Variants in UTP11 observed in about 807,000 individuals in gnomAD.
UTP11 encodes UTP11 small subunit processome component, also known as probable U3 small nucleolar RNA-associated protein 11.
In UTP11, 29 loss-of-function variants were observed where a neutral mutation model predicts 39.0. The observed-to-expected ratio is 0.74, with a 90% confidence interval of 0.55 to 1.01. The LOEUF (loss-of-function observed/expected upper bound fraction) is 1.01, where lower values mean the gene tolerates loss of function less well. Ranked by LOEUF, UTP11 falls within the 50% of genes least tolerant of loss-of-function variation. The pLI is 0.00. For synonymous variants in UTP11, 111 were observed against 105.0 expected (o/e 1.06, Z -0.35); for missense variants, 281 against 306.0 (o/e 0.92, Z 0.61).
At position 38,012,791 on chromosome 1, in the gene UTP11, G is replaced by A. The variant is rs1196841769; in HGVS notation, c.-12G>A. The A allele has an allele frequency of 6.2e-7, 1 of 1,614,118 alleles. No individual in the cohort carries two copies. The highest frequency in any genetic ancestry group is 1.3e-5 in the African/African-American group (1 of 74,948). On this transcript the variant is annotated 5_prime_UTR_variant, in exon 1 of 8. Coordinates refer to ENST00000373014, the MANE Select transcript of UTP11 (RefSeq NM_016037.4). ...GGCGTTCTCCACTGATCTTTTCCAA[G>A]GCTGTACAGACATGGCGGCGGCTTT...
chr1:38,018,957 T>C, intron 4 of UTP11, 102 bp from the exon 5 acceptor site: 1 of 982,250 alleles, frequency 1.0e-6, no homozygotes, highest in Non-Finnish European at 1.5e-6. Flanking sequence ...CTTTGCTGGC[T>C]GGCAATAATG....
intron 6 of UTP11, 106 bp from the exon 7 acceptor site, chr1:38,022,593 G>A (rs1335203101): frequency 2.8e-6 from 2 of 703,732 alleles, no homozygotes; most frequent in Admixed American, 2.5e-5. Flanking sequence ...GTGAAAGAAG[G>A]GAGTTGATGA....
intron 7 of UTP11, among the ~76,000 whole-genome samples, chr1:38,023,176 GA>G (rs1557771353): frequency 6.6e-6 from 1 of 152,208 alleles, no homozygotes; most frequent in Non-Finnish European, 1.5e-5. Flanking sequence ...CAGAGCTGAG[GA>G]ATATAAGATG....
In UTP11 at chr1:38,016,400, A is replaced by G. The variant is rs1365184219; in HGVS notation, c.105A>G (p.Lys35=). The change falls in exon 2 of 8, where the codon AAA becomes AAG. Residue 35 remains lysine, a synonymous_variant. Transcript: ENST00000373014. The stretch of plus-strand genomic sequence containing the variant: ...ATCTGGGCCTGCTGGAGAAAAAGAA[A>G]GATTACAAACTTCGTGCAGAGTGAG... ...RKHLGLLEKK[K]DYKLRADDYR... The G allele has an allele frequency of 1.2e-6, 2 of 1,614,210 alleles. No individual in the cohort carries two copies.
chr1:38,013,939 T>A (rs1237119470), intron 1 of UTP11, among the ~76,000 whole-genome samples: 2 of 152,198 alleles, frequency 1.3e-5, no homozygotes, highest in African/African-American at 4.8e-5. Context: ...GGTCTCGAAC[T>A]CCTGACCTCT....
At chr1:38,017,792 T>A in intron 3 of UTP11, 22 bp downstream of exon 3, 3 of 1,583,430 alleles carry the variant, frequency 1.9e-6, no homozygotes, top group Non-Finnish European at 2.6e-6. Flanking sequence ...ATGGCTTGGT[T>A]GGTGTTTTGA....
At position 38,018,485 on chromosome 1, in the gene UTP11, G is replaced by T; in HGVS notation, c.250G>T (p.Glu84Ter). ...KLQDGVHIIK[E>*]TKEEVTPEQL... ...TTAGGATGGAGTACATATTATTAAGGAGACTAAGGAAGAAGTAACCCCAGA... is the reference window on the plus strand; with the variant it reads ...TTAGGATGGAGTACATATTATTAAGTAGACTAAGGAAGAAGTAACCCCAGA... Residue 84 changes from glutamate (E) to a stop codon, truncating the protein, a stop_gained, in exon 4 of 8, where the codon GAG becomes TAG. Transcript: ENST00000373014. LOFTEE classifies it high-confidence loss of function. The T allele has an allele frequency of 6.2e-7, 1 of 1,612,726 alleles. No homozygotes were observed. Among genetic ancestry groups the T allele is most frequent in the Non-Finnish European group, 8.5e-7 (1 of 1,179,282 alleles).
intron 6 of UTP11, among the ~76,000 whole-genome samples, chr1:38,020,813 A>G (rs1380976194): frequency 6.6e-6 from 1 of 152,218 alleles, no homozygotes. Flanking sequence ...GAATCTGTGA[A>G]TTGTTGAAGT....
chr1:38,016,621 G>A, intron 2 of UTP11: 1 of 559,104 alleles, frequency 1.8e-6, no homozygotes, highest in South Asian at 2.1e-5. Context: ...TTATTTAACT[G>A]TAGTTGCATT....
chr1:38,016,552 C>T, intron 2 of UTP11, 132 bp downstream of exon 2: 1 of 875,810 alleles, frequency 1.1e-6, no homozygotes, highest in South Asian at 1.5e-5. Context: ...CTCTGGCAGC[C>T]TGTCAGATAA....
rs1646750985 is a variant in UTP11, at chr1:38,023,789, C to T, written c.*161C>T. The T allele has an allele frequency of 4.0e-6, 2 of 500,294 alleles. No individual in the cohort carries two copies. Among genetic ancestry groups the T allele is most frequent in the East Asian group, 3.4e-5 (1 of 29,360 alleles). 31.0% of individuals were successfully genotyped at this position (500,294 alleles called of 1,614,324 possible). On this transcript the variant is annotated 3_prime_UTR_variant, in exon 8 of 8. Coordinates refer to ENST00000373014, the MANE Select transcript of UTP11 (RefSeq NM_016037.4). ...TCTTTCTATGGACAACATTAAATCT[C>T]CCTCCCTTCTGTAATTGTTTTTGGA...
At chr1:38,019,225 G>A (rs1217871044) in intron 5 of UTP11, 28 bp from the exon 6 acceptor site, 2 of 1,613,940 alleles carry the variant, frequency 1.2e-6, no homozygotes, top group South Asian at 1.1e-5. Flanking sequence ...GAAACCGACA[G>A]TGCCTTAAGG....
At chr1:38,017,580 G>A in intron 2 of UTP11, 88 bp from the exon 3 acceptor site, 1 of 1,052,654 alleles carries the variant, frequency 9.5e-7, no homozygotes, top group Non-Finnish European at 1.3e-6. Flanking sequence ...TTAGATGCTT[G>A]TAAAGTTTGC....
At chr1:38,015,745 T>TATA (rs1297838103) in intron 1 of UTP11, among the ~76,000 whole-genome samples, 1 of 152,134 alleles carries the variant, frequency 6.6e-6, no homozygotes, top group Admixed American at 6.5e-5. Context: ...GTACCACAAG[T>TATA]ATAATAATAA....
chr1:38,021,965 G>A (rs1646740188), intron 6 of UTP11, among the ~76,000 whole-genome samples: 1 of 152,042 alleles, frequency 6.6e-6, no homozygotes, highest in South Asian at 2.1e-4. Context: ...TCCCCAAAAT[G>A]TAAGGACCCC....
chr1:38,018,748 T>C (rs926829640), intron 4 of UTP11, among the ~76,000 whole-genome samples, 171 bp downstream of exon 4: 3 of 152,244 alleles, frequency 2.0e-5, no homozygotes, highest in Non-Finnish European at 4.4e-5. Context: ...GGTTTGGGAA[T>C]GAGACAGACC....
chr1:38,016,513 A>G, intron 2 of UTP11, 93 bp downstream of exon 2: 1 of 1,305,712 alleles, frequency 7.7e-7, no homozygotes. Flanking sequence ...ACAGGGGATA[A>G]TTTCCTGCCA....
chr1:38,023,793 C>T lies in UTP11; in HGVS notation c.*165C>T. On this transcript the variant is annotated 3_prime_UTR_variant, in exon 8 of 8. Coordinates refer to ENST00000373014, the MANE Select transcript of UTP11 (RefSeq NM_016037.4). ...TCTATGGACAACATTAAATCTCCCT[C>T]CCTTCTGTAATTGTTTTTGGATTGT... The T allele has an allele frequency of 2.0e-6, 1 of 495,206 alleles. No individual in the cohort carries two copies. The highest frequency in any genetic ancestry group is 3.5e-6 in the Non-Finnish European group (1 of 287,878). The allele number at this position is 495,206 out of a possible 1,614,324, so 30.7% of individuals were successfully genotyped here. A position where few individuals can be genotyped will look rare whatever the true frequency, so the allele number is the denominator to read the frequency against.
chr1:38,018,651 C>A, intron 4 of UTP11, 74 bp downstream of exon 4: 1 of 1,138,294 alleles, frequency 8.8e-7, no homozygotes, highest in Non-Finnish European at 1.3e-6. Flanking sequence ...TCAAGTTATT[C>A]ATTAATTTCT....
Sources: allele counts gnomAD v4.1 joint callset (sites outside exome capture counted in the v4.1 genomes callset), GRCh38; gene constraint gnomAD v4.1.1; transcripts MANE v1.5; gene names NCBI Gene and HGNC (gene_info 2026-07-23, HGNC 2026-07-21).